The following AFG1L variants were observed in gnomAD, a reference collection of about 807,000 sequenced individuals.
The protein encoded by AFG1L is AFG1-like ATPase.
Under a neutral mutation model 62.2 loss-of-function variants are expected in AFG1L, and 53 were observed. The ratio of observed to expected loss-of-function variants is 0.85; its 90% CI spans 0.68 to 1.07. The LOEUF is 1.07. Among genes scored for constraint, AFG1L ranks in the 50% least tolerant of loss-of-function variants. AFG1L has a pLI of 0.00. For missense variants in AFG1L, 555 were observed against 590.5 expected (o/e 0.94, Z 0.62); for synonymous variants, 228 against 210.3 (o/e 1.08, Z -0.73).
At chr6:108,487,171 T>G (rs1291754623) in intron 10 of AFG1L, among the ~76,000 whole-genome samples, 4 of 152,010 alleles carry the variant, frequency 2.6e-5, no homozygotes, top group Non-Finnish European at 5.9e-5. Context: ...CCCAACTGAG[T>G]CAGGAGATAA....
intron 7 of AFG1L, among the ~76,000 whole-genome samples, chr6:108,445,253 G>C (rs1007320191): frequency 6.6e-6 from 1 of 152,120 alleles, no homozygotes; most frequent in Non-Finnish European, 1.5e-5. Flanking sequence ...CCTTTCTCTG[G>C]ATTAGGCTTT....
At chr6:108,338,045 G>C (rs1778536143) in intron 2 of AFG1L, among the ~76,000 whole-genome samples, 1 of 152,136 alleles carries the variant, frequency 6.6e-6, no homozygotes, top group Non-Finnish European at 1.5e-5. Context: ...AATTAGCTGG[G>C]CATGGTGGTG....
At chr6:108,503,671 C>T (rs1404833254) in intron 10 of AFG1L, among the ~76,000 whole-genome samples, 1 of 152,166 alleles carries the variant, frequency 6.6e-6, no homozygotes, top group Non-Finnish European at 1.5e-5. Flanking sequence ...TTAAAGTCAC[C>T]AGCTGCATTA....
intron 7 of AFG1L, among the ~76,000 whole-genome samples, chr6:108,403,002 T>G (rs923273779): frequency 2.7e-5 from 4 of 150,052 alleles, no homozygotes; most frequent in African/African-American, 9.7e-5. Flanking sequence ...CTATTAATTT[T>G]AAGTAATATT....
chr6:108,421,331 T>C (rs1770579607), intron 7 of AFG1L, among the ~76,000 whole-genome samples: 1 of 152,104 alleles, frequency 6.6e-6, no homozygotes, highest in African/African-American at 2.4e-5. Context: ...CCACAACTGT[T>C]TTCTTCAAAG....
chr6:108,377,692 G>A (rs1780307016), intron 6 of AFG1L, among the ~76,000 whole-genome samples: 1 of 152,034 alleles, frequency 6.6e-6, no homozygotes, highest in African/African-American at 2.4e-5. Flanking sequence ...CTTTAACACT[G>A]ACCTTGGACA....
chr6:108,469,477 ACTGT>A (rs1233655602), intron 8 of AFG1L, among the ~76,000 whole-genome samples: 1 of 152,124 alleles, frequency 6.6e-6, no homozygotes, highest in East Asian at 1.9e-4. Context: ...GTGGGTAATG[ACTGT>A]CTGGCTGGTT....
chr6:108,463,068 T>C (rs1236341055), intron 8 of AFG1L, among the ~76,000 whole-genome samples: 2 of 152,108 alleles, frequency 1.3e-5, no homozygotes, highest in African/African-American at 2.4e-5. Flanking sequence ...ACTGGGTGGA[T>C]CAATTGAGGT....
intron 7 of AFG1L, among the ~76,000 whole-genome samples, chr6:108,418,114 G>A (rs1285585068): frequency 6.6e-6 from 1 of 152,104 alleles, no homozygotes; most frequent in Non-Finnish European, 1.5e-5. Context: ...AATTGTTAAA[G>A]CATTTGTTGG....
At chr6:108,413,866 A>G (rs1312577019) in intron 7 of AFG1L, among the ~76,000 whole-genome samples, 1 of 152,218 alleles carries the variant, frequency 6.6e-6, no homozygotes, top group Non-Finnish European at 1.5e-5. Flanking sequence ...GAACTAGAGA[A>G]GCAAGAGCAA....
At chr6:108,322,470 C>T (rs577657238) in intron 1 of AFG1L, among the ~76,000 whole-genome samples, 1 of 152,176 alleles carries the variant, frequency 6.6e-6, no homozygotes, top group East Asian at 1.9e-4. Flanking sequence ...TGCTCATATC[C>T]CATTGTTAGA....
At chr6:108,507,539 G>T (rs1369711879) in intron 10 of AFG1L, among the ~76,000 whole-genome samples, 1 of 152,224 alleles carries the variant, frequency 6.6e-6, no homozygotes, top group Non-Finnish European at 1.5e-5. Context: ...TGATTTTTCA[G>T]TTGCCCTAGG....
At chr6:108,301,396 A>G (rs539206777) in intron 1 of AFG1L, among the ~76,000 whole-genome samples, 3 of 152,204 alleles carry the variant, frequency 2.0e-5, no homozygotes, top group Non-Finnish European at 4.4e-5. Context: ...CCCTTTTACA[A>G]GGGAACCCTT....
At chr6:108,320,233 C>T (rs112056560) in intron 1 of AFG1L, among the ~76,000 whole-genome samples, 2,833 of 152,198 alleles carry the variant, frequency 0.019, 46 homozygotes, top group Middle Eastern at 0.071. Flanking sequence ...AGTCATACAT[C>T]AGTACATGGA....
chr6:108,438,111 T>A (rs2114728634), intron 7 of AFG1L, among the ~76,000 whole-genome samples: 1 of 152,342 alleles, frequency 6.6e-6, no homozygotes, highest in South Asian at 2.1e-4. Context: ...CAATTATTCT[T>A]TCTTTTTTTG....
At chr6:108,336,198 A>G (rs1046328612) in intron 2 of AFG1L, among the ~76,000 whole-genome samples, 1 of 152,214 alleles carries the variant, frequency 6.6e-6, no homozygotes, top group Non-Finnish European at 1.5e-5. Flanking sequence ...CCAGTTTTTA[A>G]AAGATGTAAT....
chr6:108,325,069 C>A (rs1777986660), intron 2 of AFG1L, among the ~76,000 whole-genome samples: 1 of 152,196 alleles, frequency 6.6e-6, no homozygotes, highest in Non-Finnish European at 1.5e-5. Flanking sequence ...TTTCGCCACC[C>A]CTTGCTGCAT....
intron 10 of AFG1L, among the ~76,000 whole-genome samples, chr6:108,508,791 C>T (rs369836995): frequency 1.2e-4 from 18 of 152,286 alleles, no homozygotes; most frequent in African/African-American, 2.9e-4. Flanking sequence ...CTCCTCCTCA[C>T]GGTTTCCTAA....
intron 10 of AFG1L, among the ~76,000 whole-genome samples, chr6:108,489,683 A>G (rs1434406100): frequency 1.3e-5 from 2 of 152,184 alleles, no homozygotes; most frequent in African/African-American, 4.8e-5. Context: ...GGCATGGAGG[A>G]GGTCAGGGAC....
Sources: gnomAD v4.1 joint callset for allele counts (sites outside exome capture counted in the v4.1 genomes callset) on GRCh38, gnomAD v4.1.1 for gene constraint, MANE v1.5 for transcripts, NCBI Gene and HGNC (gene_info 2026-07-23, HGNC 2026-07-21) for gene names.